The following RABGAP1L variants were observed in gnomAD, a reference collection of about 807,000 sequenced individuals.
RABGAP1L encodes RAB GTPase activating protein 1 like, also known as rab GTPase-activating protein 1-like.
In RABGAP1L, 63 loss-of-function variants were observed where a neutral mutation model predicts 137.7. The observed-to-expected ratio is 0.46, with a 90% confidence interval of 0.37 to 0.56. The LOEUF is 0.56. RABGAP1L is among the 20% of genes least tolerant of loss of function. RABGAP1L has a pLI of 0.00. For missense variants in RABGAP1L, 1,095 were observed against 1,244.0 expected, an observed-to-expected ratio of 0.88 and a Z score of 1.80; for synonymous variants, 431 against 433.7, an observed-to-expected ratio of 0.99 and a Z score of 0.08.
intron 1 of RABGAP1L, among the ~76,000 whole-genome samples, chr1:174,211,309 G>C (rs1668867599): frequency 6.6e-6 from 1 of 152,232 alleles, no homozygotes; most frequent in African/African-American, 2.4e-5. Flanking sequence ...AATCAAAAAA[G>C]ATATAAATAG....
chr1:174,737,956 C>T (rs781200801), intron 17 of RABGAP1L, among the ~76,000 whole-genome samples: 5 of 152,276 alleles, frequency 3.3e-5, no homozygotes, highest in Middle Eastern at 3.4e-3. Context: ...GGTGCTAAGG[C>T]ATTCATGAGG....
At position 174,780,068 on chromosome 1, in the gene RABGAP1L, C is replaced by CAATAAATA. The variant is rs367683847; in HGVS notation, c.2211+27758_2211+27765dup. Among the ~76,000 whole-genome samples the CAATAAATA allele has an allele frequency of 8.2e-3, 754 of 92,308 alleles. 5 individuals carry two copies. Among genetic ancestry groups the CAATAAATA allele is most frequent in the South Asian group, 0.018 (43 of 2,386 alleles). 60.6% of individuals were successfully genotyped at this position (92,308 alleles called of 152,430 possible). A position where few individuals can be genotyped will look rare whatever the true frequency, so the allele number is the denominator to read the frequency against. ...GAAACAAGAGTGAAACTCCATCTTA[C>CAATAAATA]AATAAATAAATAAATAAATAAATAA... On this transcript the variant is annotated intron_variant, in intron 18 of 25. Coordinates refer to ENST00000681986, the MANE Select transcript of RABGAP1L (RefSeq NM_001366446.1).
chr1:174,849,465 G>A (rs1242199158), intron 19 of RABGAP1L, among the ~76,000 whole-genome samples: 1 of 152,100 alleles, frequency 6.6e-6, no homozygotes, highest in African/African-American at 2.4e-5. Context: ...ATGCTGACAT[G>A]TACATATAAA....
rs557604665 is a variant in RABGAP1L, at chr1:174,713,664, G to A, written c.2169+11408G>A. 1.1e-4 allele frequency among the ~76,000 whole-genome samples: 17 copies of A among 152,310 alleles called. No individual in the cohort carries two copies. In the South Asian group the frequency reaches 3.5e-3, roughly 32 times the overall value. Reference sequence around the variant, plus strand: ...AGGCCCTCACCAGCAGCAGATGCTGGCACTATGCTTTGTGTACAGCCTGAA... The same window carrying A: ...AGGCCCTCACCAGCAGCAGATGCTGACACTATGCTTTGTGTACAGCCTGAA... On this transcript the variant is annotated intron_variant, in intron 17 of 25. Coordinates refer to ENST00000681986, the MANE Select transcript of RABGAP1L (RefSeq NM_001366446.1).
At chr1:174,662,717 G>A (rs1464252471) in intron 14 of RABGAP1L, among the ~76,000 whole-genome samples, 1 of 152,170 alleles carries the variant, frequency 6.6e-6, no homozygotes, top group African/African-American at 2.4e-5. Context: ...TACCACTGGA[G>A]ATAACATCTC....
chr1:174,602,233 T>C (rs1268865891), intron 13 of RABGAP1L, among the ~76,000 whole-genome samples: 1 of 152,204 alleles, frequency 6.6e-6, no homozygotes, highest in African/African-American at 2.4e-5. Context: ...AAAAGAGGTT[T>C]AATTGGACTT....
At chr1:174,825,256 G>C (rs1207552952) in intron 19 of RABGAP1L, among the ~76,000 whole-genome samples, 1 of 152,192 alleles carries the variant, frequency 6.6e-6, no homozygotes, top group Non-Finnish European at 1.5e-5. Flanking sequence ...TAAAGAGGTG[G>C]TAAAACAGTG....
intron 13 of RABGAP1L, among the ~76,000 whole-genome samples, chr1:174,458,175 T>A (rs76566457): frequency 0.022 from 3,382 of 152,236 alleles, 58 homozygotes; most frequent in Middle Eastern, 0.088. Flanking sequence ...CTATTGTAGA[T>A]ACAATTTTAC....
chr1:174,854,343 T>A (rs1648889620), intron 19 of RABGAP1L, among the ~76,000 whole-genome samples: 1 of 152,076 alleles, frequency 6.6e-6, no homozygotes, highest in African/African-American at 2.4e-5. Context: ...ATTACATAGG[T>A]GTTGAGGCTA....
chr1:174,973,994 T>A (rs978584514), intron 21 of RABGAP1L, among the ~76,000 whole-genome samples: 4 of 131,342 alleles, frequency 3.0e-5, no homozygotes. Flanking sequence ...TTTTTTTTTT[T>A]TTTTTTTTTT....
intron 13 of RABGAP1L, among the ~76,000 whole-genome samples, chr1:174,508,670 TA>T (rs1482084280): frequency 1.3e-5 from 2 of 152,276 alleles, no homozygotes; most frequent in East Asian, 3.9e-4. Context: ...TTAGAAAAAT[TA>T]TTCATAGTAA....
chr1:174,818,600 G>T (rs995076869), intron 19 of RABGAP1L, among the ~76,000 whole-genome samples: 1 of 152,198 alleles, frequency 6.6e-6, no homozygotes, highest in Non-Finnish European at 1.5e-5. Flanking sequence ...ATTGGACTGA[G>T]CATGGTGGCT....
chr1:174,606,837 T>G (rs1670830047), intron 13 of RABGAP1L, among the ~76,000 whole-genome samples: 1 of 152,240 alleles, frequency 6.6e-6, no homozygotes. Context: ...AGCTTTTAAC[T>G]AGTATTTTTG....
intron 1 of RABGAP1L, among the ~76,000 whole-genome samples, chr1:174,183,476 A>G (rs1158313422): frequency 6.6e-6 from 1 of 152,224 alleles, no homozygotes; most frequent in African/African-American, 2.4e-5. Flanking sequence ...TTTTAGGCCC[A>G]CAGCAAAACT....
intron 13 of RABGAP1L, among the ~76,000 whole-genome samples, chr1:174,527,835 A>C (rs1392293993): frequency 6.7e-6 from 1 of 150,362 alleles, no homozygotes; most frequent in Non-Finnish European, 1.5e-5. Context: ...ATATATTAAT[A>C]TATTTAGAAC....
chr1:174,358,916 GAA>G (rs1462482787), intron 11 of RABGAP1L, among the ~76,000 whole-genome samples: 2 of 152,162 alleles, frequency 1.3e-5, no homozygotes, highest in Non-Finnish European at 1.5e-5. Context: ...TATGATGGGA[GAA>G]AATGTAGAGG....
intron 10 of RABGAP1L, among the ~76,000 whole-genome samples, chr1:174,284,167 T>C (rs1195982255): frequency 6.6e-6 from 1 of 152,200 alleles, no homozygotes; most frequent in African/African-American, 2.4e-5. Context: ...AAGTACACAA[T>C]ACAATATTGT....
intron 13 of RABGAP1L, among the ~76,000 whole-genome samples, chr1:174,463,403 A>G (rs897952418): frequency 1.3e-5 from 2 of 151,970 alleles, no homozygotes; most frequent in African/African-American, 2.4e-5. Context: ...TCAGTAAACT[A>G]TCGCAAAAAC....
At chr1:174,675,442 A>G (rs332774) in intron 14 of RABGAP1L, among the ~76,000 whole-genome samples, 54,485 of 150,134 alleles carry the variant, frequency 0.36, 12,754 homozygotes, top group African/African-American at 0.68. Context: ...TGTTCCATTG[A>G]TCTATATCTC....
Sources: gnomAD v4.1 joint callset for allele counts (sites outside exome capture counted in the v4.1 genomes callset) on GRCh38, gnomAD v4.1.1 for gene constraint, MANE v1.5 for transcripts, NCBI Gene and HGNC (gene_info 2026-07-23, HGNC 2026-07-21) for gene names.